The following MAF variants were observed in gnomAD, a reference collection of about 807,000 sequenced individuals.
MAF encodes the protein MAF bZIP transcription factor.
MAF carries 10 observed loss-of-function variants against 22.0 expected under a neutral mutation model. The observed-to-expected ratio is 0.45, with a 90% CI of 0.28 to 0.77. MAF has a LOEUF of 0.77. Among genes scored for constraint, MAF ranks in the 30% least tolerant of loss-of-function variants. MAF has a pLI of 0.12. For synonymous variants in MAF, 337 were observed against 255.8 expected (o/e 1.32, Z -3.03); for missense variants, 544 against 548.4 (o/e 0.99, Z 0.08).
chr16:79,542,783 T>C, the MAF span, among the ~76,000 whole-genome samples: 1 of 152,328 alleles, frequency 6.6e-6, no homozygotes, highest in African/African-American at 2.4e-5. Flanking sequence ...ACTGAACTGC[T>C]CCTGGCCTTG....
At chr16:79,213,304 C>G in the MAF span, among the ~76,000 whole-genome samples, 1 of 152,256 alleles carries the variant, frequency 6.6e-6, no homozygotes, top group Non-Finnish European at 1.5e-5. Flanking sequence ...GTCGAACAAA[C>G]AAACACCATT....
chr16:79,554,115 A>C, the MAF span, among the ~76,000 whole-genome samples: 1 of 133,540 alleles, frequency 7.5e-6, no homozygotes, highest in Non-Finnish European at 1.7e-5. Context: ...ACAAACAAAC[A>C]AACAAACAAA....
the MAF span, among the ~76,000 whole-genome samples, chr16:79,414,694 A>G: frequency 6.6e-6 from 1 of 152,250 alleles, no homozygotes; most frequent in African/African-American, 2.4e-5. Context: ...GGTTTGGGTA[A>G]GAGAGAAATC....
At chr16:79,413,106 C>T in the MAF span, among the ~76,000 whole-genome samples, 410 of 151,844 alleles carry the variant, frequency 2.7e-3, 5 homozygotes, top group African/African-American at 9.5e-3. Flanking sequence ...TAAACTCATA[C>T]ATACTCCCCA....
At chr16:79,252,020 A>C in the MAF span, among the ~76,000 whole-genome samples, 1 of 152,256 alleles carries the variant, frequency 6.6e-6, no homozygotes, top group African/African-American at 2.4e-5. Flanking sequence ...GAATCCTGCA[A>C]ATAGCATCCT....
At chr16:79,574,997 T>C in the MAF span, among the ~76,000 whole-genome samples, 1 of 151,484 alleles carries the variant, frequency 6.6e-6, no homozygotes, top group Non-Finnish European at 1.5e-5. Flanking sequence ...TTCTCAATCC[T>C]AATTGTACAT....
At chr16:79,518,837 A>G in the MAF span, among the ~76,000 whole-genome samples, 2 of 152,200 alleles carry the variant, frequency 1.3e-5, no homozygotes, top group Non-Finnish European at 2.9e-5. Flanking sequence ...AGGCAGGAGA[A>G]TTGCTTGAAC....
the MAF span, among the ~76,000 whole-genome samples, chr16:79,418,740 T>C: frequency 2.6e-5 from 4 of 152,196 alleles, no homozygotes; most frequent in South Asian, 4.1e-4. Context: ...TTATGACTTA[T>C]TGTCGCTAAG....
chr16:79,211,549 C>A, the MAF span: 2 of 1,608,716 alleles, frequency 1.2e-6, no homozygotes, highest in South Asian at 1.1e-5. Context: ...GTCGAAATGA[C>A]GCCATCTCAT....
the MAF span, among the ~76,000 whole-genome samples, chr16:79,472,100 G>A: frequency 1.6e-4 from 24 of 152,228 alleles, no homozygotes; most frequent in African/African-American, 5.5e-4. Context: ...TTTACAAGGA[G>A]CCACCATATG....
At chr16:79,317,320 TTTTG>T in the MAF span, among the ~76,000 whole-genome samples, 3 of 142,754 alleles carry the variant, frequency 2.1e-5, no homozygotes, top group African/African-American at 7.8e-5. Flanking sequence ...TCTCTCATTC[TTTTG>T]TTTTATTTTC....
chr16:79,491,193 C>T, the MAF span, among the ~76,000 whole-genome samples: 280 of 152,210 alleles, frequency 1.8e-3, 1 homozygote, highest in African/African-American at 5.5e-3. Flanking sequence ...GCAGGCCTGA[C>T]GGCTGAAAAC....
chr16:79,401,193 C>G, the MAF span, among the ~76,000 whole-genome samples: 1 of 152,216 alleles, frequency 6.6e-6, no homozygotes, highest in African/African-American at 2.4e-5. Context: ...CCTATTCTCC[C>G]GCGTGGATTT....
the MAF span, among the ~76,000 whole-genome samples, chr16:79,349,238 G>A: frequency 6.6e-6 from 1 of 152,188 alleles, no homozygotes; most frequent in South Asian, 2.1e-4. Context: ...AAGTCACCCC[G>A]AGTCTGAATC....
chr16:79,268,952 T>TAAGA, the MAF span, among the ~76,000 whole-genome samples: 2 of 152,200 alleles, frequency 1.3e-5, no homozygotes, highest in Non-Finnish European at 2.9e-5. Flanking sequence ...CAGGATCTCT[T>TAAGA]AGGAGTGTGA....
chr16:79,450,623 T>C, the MAF span, among the ~76,000 whole-genome samples: 1 of 152,210 alleles, frequency 6.6e-6, no homozygotes, highest in South Asian at 2.1e-4. Flanking sequence ...AATGCTGTTC[T>C]GTGAGAAAAT....
the MAF span, among the ~76,000 whole-genome samples, chr16:79,296,368 G>C: frequency 6.0e-4 from 91 of 152,182 alleles, no homozygotes; most frequent in Non-Finnish European, 8.8e-4. Context: ...GGGGCCTGTC[G>C]GGGGGCAGGG....
chr16:79,526,606 C>T, the MAF span, among the ~76,000 whole-genome samples: 122 of 152,214 alleles, frequency 8.0e-4, 2 homozygotes, highest in Middle Eastern at 3.4e-3. Context: ...TACAGGTTAG[C>T]GGTATGCTGG....
chr16:79,420,671 C>G, the MAF span, among the ~76,000 whole-genome samples: 1 of 152,232 alleles, frequency 6.6e-6, no homozygotes, highest in Non-Finnish European at 1.5e-5. Context: ...TTTCCAAGGC[C>G]TCTTTCCAAG....
Sources: allele counts gnomAD v4.1 joint callset (sites outside exome capture counted in the v4.1 genomes callset), GRCh38; gene constraint gnomAD v4.1.1; transcripts MANE v1.5; gene names NCBI Gene and HGNC (gene_info 2026-07-23, HGNC 2026-07-21).